Variants in TEC observed in about 807,000 individuals in gnomAD.
TEC encodes tyrosine-protein kinase Tec.
A neutral mutation model predicts 93.0 loss-of-function variants in TEC; 72 were observed. The observed-to-expected ratio is 0.77, with a 90% CI of 0.64 to 0.94. The LOEUF (loss-of-function observed/expected upper bound fraction) is 0.94. TEC is among the 40% of genes least tolerant of loss of function. The pLI is 0.00. For missense variants in TEC, 630 were observed against 757.9 expected (o/e 0.83, Z 1.98); for synonymous variants, 249 against 247.7 (o/e 1.01, Z -0.05).
At chr4:48,167,616 C>A (rs1468711453) in intron 7 of TEC, among the ~76,000 whole-genome samples, 162 bp downstream of exon 7, 1 of 152,056 alleles carries the variant, frequency 6.6e-6, no homozygotes, top group Non-Finnish European at 1.5e-5. Context: ...ACTGAGTGAC[C>A]ACTAAGAAAG....
chr4:48,263,541 C>T (rs1486847168), intron 1 of TEC, among the ~76,000 whole-genome samples: 1 of 152,182 alleles, frequency 6.6e-6, no homozygotes, highest in Non-Finnish European at 1.5e-5. Flanking sequence ...TGGTGAAACC[C>T]TGTCTCTACT....
intron 1 of TEC, among the ~76,000 whole-genome samples, chr4:48,236,882 T>G (rs953652949): frequency 6.6e-6 from 1 of 152,208 alleles, no homozygotes; most frequent in African/African-American, 2.4e-5. Context: ...TCTTAAAACC[T>G]TTTTCATCAT....
intron 2 of TEC, among the ~76,000 whole-genome samples, chr4:48,227,367 G>A (rs1007253067): frequency 2.0e-5 from 3 of 152,130 alleles, no homozygotes; most frequent in Non-Finnish European, 4.4e-5. Flanking sequence ...CCAGGGCCGG[G>A]TGCAGTGGCT....
chr4:48,170,192 C>T (rs1721043807), intron 5 of TEC, 56 bp downstream of exon 5: 1 of 1,396,442 alleles, frequency 7.2e-7, no homozygotes, highest in Non-Finnish European at 1.0e-6. Context: ...TCTTACCATA[C>T]CAATAATACG....
At chr4:48,180,898 G>A (rs1044351752) in intron 2 of TEC, among the ~76,000 whole-genome samples, 6 of 152,160 alleles carry the variant, frequency 3.9e-5, no homozygotes, top group African/African-American at 1.2e-4. Context: ...GGCAACTGCC[G>A]TAATAGTTCA....
At chr4:48,174,063 G>A (rs149886458) in intron 3 of TEC, among the ~76,000 whole-genome samples, 2 of 151,976 alleles carry the variant, frequency 1.3e-5, no homozygotes, top group African/African-American at 4.8e-5. Flanking sequence ...AATAAGAGAG[G>A]GTATTTTTCA....
At chr4:48,192,071 T>A (rs566812000) in intron 2 of TEC, among the ~76,000 whole-genome samples, 1 of 152,336 alleles carries the variant, frequency 6.6e-6, no homozygotes, top group Non-Finnish European at 1.5e-5. Context: ...ACTTTCATAG[T>A]GGCTTTATTT....
intron 2 of TEC, among the ~76,000 whole-genome samples, chr4:48,207,607 C>T (rs1722755101): frequency 7.4e-6 from 1 of 134,420 alleles, no homozygotes; most frequent in Non-Finnish European, 1.6e-5. Context: ...CAAAGCAAGA[C>T]CATGTCTCTA....
At chr4:48,139,119 T>C (rs1436053872) in intron 15 of TEC, 97 bp from the exon 16 acceptor site, 3 of 1,050,744 alleles carry the variant, frequency 2.9e-6, no homozygotes, top group African/African-American at 3.1e-5. Context: ...AAAAACACAG[T>C]TGACTGAAGT....
At chr4:48,231,631 C>T (rs1723649309) in intron 1 of TEC, among the ~76,000 whole-genome samples, 2 of 152,102 alleles carry the variant, frequency 1.3e-5, no homozygotes, top group Admixed American at 1.3e-4. Flanking sequence ...GTGGCGGGGG[C>T]CTGTAGTCCC....
intron 2 of TEC, among the ~76,000 whole-genome samples, chr4:48,212,157 ATT>A (rs961720470): frequency 2.0e-5 from 3 of 149,600 alleles, no homozygotes; most frequent in Non-Finnish European, 4.4e-5. Context: ...TCACAGAAAT[ATT>A]TTTTTTCTGC....
intron 9 of TEC, among the ~76,000 whole-genome samples, chr4:48,152,696 G>C (rs1275877804): frequency 6.6e-6 from 1 of 152,088 alleles, no homozygotes. Flanking sequence ...TGGTCCCCAG[G>C]CTGCCATTTA....
chr4:48,212,110 A>ATATATATATATATAT (rs1553892128), intron 2 of TEC, among the ~76,000 whole-genome samples: 3 of 122,266 alleles, frequency 2.5e-5, no homozygotes, highest in Non-Finnish European at 3.4e-5. Context: ...AAAAAAAAAA[A>ATATATATATATATAT]ATATATATAT....
intron 2 of TEC, among the ~76,000 whole-genome samples, chr4:48,206,031 G>T (rs1169535739): frequency 2.0e-5 from 3 of 152,164 alleles, no homozygotes; most frequent in Non-Finnish European, 4.4e-5. Context: ...GCTACAACTT[G>T]AATGAACCTT....
At chr4:48,186,655 CT>C (rs1721870953) in intron 2 of TEC, among the ~76,000 whole-genome samples, 2 of 150,450 alleles carry the variant, frequency 1.3e-5, no homozygotes, top group Admixed American at 6.6e-5. Flanking sequence ...GCCCCTGCGC[CT>C]GGCAGCCTCC....
At chr4:48,241,921 C>G (rs936497440) in intron 1 of TEC, among the ~76,000 whole-genome samples, 2 of 152,134 alleles carry the variant, frequency 1.3e-5, no homozygotes, top group Non-Finnish European at 2.9e-5. Flanking sequence ...ATTTATTGCA[C>G]AGTCATGATG....
chr4:48,141,463 T>C (rs2109502703), intron 14 of TEC, 44 bp from the exon 15 acceptor site: 4 of 1,566,524 alleles, frequency 2.6e-6, no homozygotes, highest in East Asian at 4.5e-5. Context: ...AAAAATTCTA[T>C]CATTTAAGTA....
chr4:48,227,568 A>G (rs13104355), intron 2 of TEC, among the ~76,000 whole-genome samples: 23,943 of 148,548 alleles, frequency 0.16, 2,107 homozygotes, highest in Non-Finnish European at 0.2. Flanking sequence ...TGCTTGAACC[A>G]GGAGATGGAG....
intron 2 of TEC, among the ~76,000 whole-genome samples, chr4:48,218,511 G>T (rs553004432): frequency 6.6e-6 from 1 of 152,232 alleles, no homozygotes; most frequent in African/African-American, 2.4e-5. Context: ...CCAATTGCCC[G>T]GTAGTACAAG....
Sources: gnomAD v4.1 joint callset for allele counts (sites outside exome capture counted in the v4.1 genomes callset) on GRCh38, gnomAD v4.1.1 for gene constraint, MANE v1.5 for transcripts, NCBI Gene and HGNC (gene_info 2026-07-23, HGNC 2026-07-21) for gene names.